The following LGR5 variants were observed in gnomAD, a reference collection of about 807,000 sequenced individuals.
LGR5 encodes leucine rich repeat containing G protein-coupled receptor 5.
In LGR5, 54 loss-of-function variants were observed where a neutral mutation model predicts 76.7. That is an observed-to-expected ratio of 0.70 (90% CI 0.57 to 0.88). LGR5 has a LOEUF of 0.88. Among genes scored for constraint, LGR5 ranks in the 40% least tolerant of loss-of-function variants. The probability of loss-of-function intolerance (pLI) is 0.00; values close to 1 mark genes in which losing one functional copy is unlikely to be tolerated. For missense variants in LGR5, 1,078 were observed against 1,073.3 expected (o/e 1.00, Z -0.06); for synonymous variants, 406 against 421.9 (o/e 0.96, Z 0.46).
At chr12:71,472,337 C>A (rs1342957878) in intron 1 of LGR5, among the ~76,000 whole-genome samples, 1 of 152,160 alleles carries the variant, frequency 6.6e-6, no homozygotes, top group African/African-American at 2.4e-5. Flanking sequence ...TTATTATCCC[C>A]ATTTTATAAA....
chr12:71,505,942 C>T (rs1002018258), intron 2 of LGR5, among the ~76,000 whole-genome samples: 16 of 151,974 alleles, frequency 1.1e-4, no homozygotes, highest in Admixed American at 4.6e-4. Context: ...AAGATTTAAC[C>T]TTCATAGGAG....
intron 1 of LGR5, among the ~76,000 whole-genome samples, chr12:71,450,932 A>C (rs914561088): frequency 3.3e-5 from 5 of 152,170 alleles, no homozygotes; most frequent in Non-Finnish European, 7.4e-5. Context: ...TGAACACCTC[A>C]GTTTAGCCCA....
At chr12:71,498,532 A>G (rs1286982787) in intron 1 of LGR5, among the ~76,000 whole-genome samples, 6 of 152,262 alleles carry the variant, frequency 3.9e-5, no homozygotes, top group South Asian at 2.1e-4. Context: ...TTTTACACAC[A>G]TTGTATCCTT....
Position 71,584,465 on chromosome 12 carries a change from C to T in LGR5, c.2455C>T (p.Leu819Phe). The T allele has an allele frequency of 1.2e-6, 2 of 1,614,174 alleles. No homozygotes were observed. Among genetic ancestry groups the T allele is most frequent in the Non-Finnish European group, 1.7e-6 (2 of 1,180,020 alleles). Residue 819 changes from leucine (L) to phenylalanine (F), a missense_variant, in exon 18 of 18, where the codon CTC becomes TTC. By Grantham distance (22) the Leu-to-Phe change is conservative. Coordinates refer to ENST00000266674, the MANE Select transcript of LGR5 (RefSeq NM_003667.4). ...VPLPACLNPL[L>F]YILFNPHFKE... ...ACTTCCTGCATGTCTCAATCCCCTTCTCTACATCTTGTTCAATCCTCACTT... is the reference window on the plus strand; with the variant it reads ...ACTTCCTGCATGTCTCAATCCCCTTTTCTACATCTTGTTCAATCCTCACTT...
Position 71,578,782 on chromosome 12 carries a change from ATTG to A in LGR5, c.1281-16_1281-14del. 1.9e-6 allele frequency: 3 copies of A among 1,584,090 alleles called. No homozygotes were observed. Among genetic ancestry groups the A allele is most frequent in the Non-Finnish European group, 2.6e-6 (3 of 1,167,640 alleles). On this transcript the variant is annotated intron_variant, in intron 14 of 17. Transcript: ENST00000266674. ...TTATGCTAACATAGACTAAAAGCCA[ATTG>A]TTGTTTGATGTTTTGCAGGGACCTA...
intron 5 of LGR5, among the ~76,000 whole-genome samples, chr12:71,556,007 A>C (rs1190180529): frequency 6.6e-6 from 1 of 152,238 alleles, no homozygotes; most frequent in South Asian, 2.1e-4. Flanking sequence ...AAAAAGAACA[A>C]GATCATGTCC....
At chr12:71,528,226 G>A (rs955653060) in intron 3 of LGR5, among the ~76,000 whole-genome samples, 1 of 152,160 alleles carries the variant, frequency 6.6e-6, no homozygotes, top group Non-Finnish European at 1.5e-5. Context: ...GGGAGGCAGA[G>A]GTGACTGAAT....
chr12:71,466,336 T>A (rs1872861782), intron 1 of LGR5, among the ~76,000 whole-genome samples: 1 of 152,226 alleles, frequency 6.6e-6, no homozygotes, highest in Non-Finnish European at 1.5e-5. Flanking sequence ...TAGCAAAGAT[T>A]TTATTTTATT....
At chr12:71,459,066 G>T (rs563297849) in intron 1 of LGR5, among the ~76,000 whole-genome samples, 1 of 151,938 alleles carries the variant, frequency 6.6e-6, no homozygotes, top group Non-Finnish European at 1.5e-5. Flanking sequence ...TGTGCTTTCT[G>T]TACTTCTAAT....
chr12:71,525,420 T>A (rs1192687172), intron 3 of LGR5, among the ~76,000 whole-genome samples: 2 of 150,886 alleles, frequency 1.3e-5, no homozygotes, highest in Non-Finnish European at 3.0e-5. Flanking sequence ...TTTTTTTTGC[T>A]ACTAAGAAGA....
intron 1 of LGR5, among the ~76,000 whole-genome samples, chr12:71,455,443 C>T (rs893716082): frequency 1.3e-5 from 2 of 152,128 alleles, no homozygotes; most frequent in Non-Finnish European, 2.9e-5. Flanking sequence ...CACCCACTCC[C>T]ATTTTGGGCA....
intron 13 of LGR5, among the ~76,000 whole-genome samples, chr12:71,577,682 G>A (rs998841960): frequency 6.6e-6 from 1 of 152,182 alleles, no homozygotes; most frequent in African/African-American, 2.4e-5. Flanking sequence ...TTTAGCAAGA[G>A]TAAAACCAAA....
At chr12:71,454,559 G>C (rs1014050192) in intron 1 of LGR5, among the ~76,000 whole-genome samples, 3 of 152,154 alleles carry the variant, frequency 2.0e-5, no homozygotes, top group Non-Finnish European at 4.4e-5. Context: ...GCCCAGAGGA[G>C]ATGAGACTGT....
At chr12:71,531,387 A>G (rs182989653) in intron 3 of LGR5, among the ~76,000 whole-genome samples, 69 of 152,362 alleles carry the variant, frequency 4.5e-4, no homozygotes, top group African/African-American at 1.6e-3. Flanking sequence ...CTGGAGACTT[A>G]TAATGATATA....
intron 3 of LGR5, among the ~76,000 whole-genome samples, chr12:71,525,567 G>A (rs140513722): frequency 1.6e-4 from 24 of 151,968 alleles, no homozygotes; most frequent in African/African-American, 5.3e-4. Flanking sequence ...AAAATGTATC[G>A]TGAGAGTCAA....
intron 3 of LGR5, among the ~76,000 whole-genome samples, chr12:71,529,281 T>TG (rs1876176080): frequency 6.6e-6 from 1 of 152,164 alleles, no homozygotes; most frequent in African/African-American, 2.4e-5. Flanking sequence ...TCTGCATGGC[T>TG]GGGGAGGCCT....
intron 2 of LGR5, among the ~76,000 whole-genome samples, chr12:71,514,525 G>A (rs1698062700): frequency 6.9e-6 from 1 of 144,548 alleles, no homozygotes; most frequent in Non-Finnish European, 1.5e-5. Context: ...CCCAGATCGC[G>A]CCACTGCACT....
chr12:71,583,580 A>T, intron 17 of LGR5, 67 bp from the exon 18 acceptor site: 2 of 1,516,494 alleles, frequency 1.3e-6, no homozygotes, highest in Non-Finnish European at 1.8e-6. Flanking sequence ...AAGAGACAAA[A>T]GGGTAATTCA....
At chr12:71,448,584 G>A (rs1205646225) in intron 1 of LGR5, 1 of 152,184 alleles carries the variant, frequency 6.6e-6, no homozygotes, top group Non-Finnish European at 1.5e-5. Context: ...CTTACTTGAA[G>A]GAACTCTGTT....
Sources: gnomAD v4.1 joint callset for allele counts (sites outside exome capture counted in the v4.1 genomes callset) on GRCh38, gnomAD v4.1.1 for gene constraint, MANE v1.5 for transcripts, NCBI Gene and HGNC (gene_info 2026-07-23, HGNC 2026-07-21) for gene names.